The following RABGAP1L variants were observed in gnomAD, a reference collection of about 807,000 sequenced individuals.
The protein encoded by RABGAP1L is RAB GTPase activating protein 1 like.
A neutral mutation model predicts 137.7 loss-of-function variants in RABGAP1L; 63 were observed. The observed-to-expected ratio is 0.46, with a 90% CI of 0.37 to 0.56. RABGAP1L has a LOEUF of 0.56. Ranked by LOEUF, RABGAP1L falls within the 20% of genes least tolerant of loss-of-function variation. RABGAP1L has a pLI of 0.00. For synonymous variants in RABGAP1L, 431 were observed against 433.7 expected, an observed-to-expected ratio of 0.99 and a Z score of 0.08; for missense variants, 1,095 against 1,244.0, an observed-to-expected ratio of 0.88 and a Z score of 1.80.
intron 3 of RABGAP1L, among the ~76,000 whole-genome samples, chr1:174,221,642 T>C (rs944223264): frequency 4.6e-5 from 7 of 152,244 alleles, no homozygotes; most frequent in Non-Finnish European, 1.0e-4. Context: ...TAAGTCAAGA[T>C]GCTTTTGGGT....
chr1:174,462,425 A>T (rs1427336177), intron 13 of RABGAP1L, among the ~76,000 whole-genome samples: 2 of 151,916 alleles, frequency 1.3e-5, no homozygotes, highest in Admixed American at 6.6e-5. Context: ...TCTCCCTTCA[A>T]CTTCATCTTG....
Position 174,604,933 on chromosome 1 carries a change from C to G in RABGAP1L, c.1711-32442C>G, listed in dbSNP as rs1670669345. Among the ~76,000 whole-genome samples the G allele has an allele frequency of 2.0e-5, 3 of 152,106 alleles. No homozygotes were observed. In the South Asian group the frequency reaches 6.2e-4, roughly 32 times the overall value. On this transcript the variant is annotated intron_variant, in intron 13 of 25. Transcript: ENST00000681986. ...CTGAGGCAGGCATATCACTTGAGGT[C>G]AGGATTTCACCAGCCTGGCCAACAT...
chr1:174,933,759 A>G (rs1292088810), intron 19 of RABGAP1L, among the ~76,000 whole-genome samples: 1 of 152,142 alleles, frequency 6.6e-6, no homozygotes, highest in African/African-American at 2.4e-5. Flanking sequence ...TTAGTATTCT[A>G]TCCTGCATCT....
chr1:174,458,529 T>C (rs1016539678), intron 13 of RABGAP1L, among the ~76,000 whole-genome samples: 4 of 152,042 alleles, frequency 2.6e-5, no homozygotes, highest in African/African-American at 7.2e-5. Flanking sequence ...AACCTAGATA[T>C]TGATTCCCCT....
intron 19 of RABGAP1L, among the ~76,000 whole-genome samples, chr1:174,870,021 C>G (rs1040110687): frequency 1.3e-5 from 2 of 152,156 alleles, no homozygotes; most frequent in Admixed American, 6.5e-5. Context: ...AGTCACATAG[C>G]CAGTGAGTGG....
chr1:174,628,527 G>A lies in RABGAP1L; in HGVS notation c.1711-8848G>A, dbSNP rs572814147. ...GTACTTCACATACATTCTAAATAAT[G>A]TTATTTTAAGTAACATTATGCATTT... On this transcript the variant is annotated intron_variant, in intron 13 of 25. Coordinates refer to ENST00000681986, the MANE Select transcript of RABGAP1L (RefSeq NM_001366446.1). Among the ~76,000 whole-genome samples the A allele has an allele frequency of 1.3e-5, 2 of 152,182 alleles. 1 individual carries two copies. Among genetic ancestry groups the A allele is most frequent in the South Asian group, 4.2e-4 (2 of 4,816 alleles).
intron 11 of RABGAP1L, among the ~76,000 whole-genome samples, chr1:174,352,837 A>T (rs544531955): frequency 1.3e-5 from 2 of 152,282 alleles, no homozygotes; most frequent in South Asian, 4.2e-4. Context: ...GGAATTTTAG[A>T]GGTACCTCTT....
chr1:174,351,009 C>T (rs1429164727), intron 11 of RABGAP1L, among the ~76,000 whole-genome samples: 76 of 111,790 alleles, frequency 6.8e-4, no homozygotes, highest in African/African-American at 2.3e-3. Flanking sequence ...AGGGAGGTTG[C>T]AGTGAGCCGA....
At chr1:174,804,606 C>G (rs974549915) in intron 18 of RABGAP1L, among the ~76,000 whole-genome samples, 1 of 152,146 alleles carries the variant, frequency 6.6e-6, no homozygotes, top group Non-Finnish European at 1.5e-5. Flanking sequence ...AACCACCGTG[C>G]CCGGCCTCCC....
At chr1:174,337,862 G>A (rs1388334158) in intron 11 of RABGAP1L, among the ~76,000 whole-genome samples, 1 of 152,030 alleles carries the variant, frequency 6.6e-6, no homozygotes, top group African/African-American at 2.4e-5. Context: ...TATATTTTTA[G>A]CATTATGTTT....
At chr1:174,252,322 T>C (rs41266044) in intron 6 of RABGAP1L, 158 bp from the exon 7 acceptor site, 95,889 of 753,856 alleles carry the variant, frequency 0.13, 6,995 homozygotes, top group African/African-American at 0.23. Flanking sequence ...CAAATAAAAT[T>C]AATAGTTTGC....
At chr1:174,655,222 A>T (rs1424913173) in intron 14 of RABGAP1L, among the ~76,000 whole-genome samples, 1 of 152,184 alleles carries the variant, frequency 6.6e-6, no homozygotes, top group Non-Finnish European at 1.5e-5. Flanking sequence ...TTCAGTTTTT[A>T]CTAATCATCC....
chr1:174,836,220 T>G (rs573944562), intron 19 of RABGAP1L, among the ~76,000 whole-genome samples: 5 of 152,104 alleles, frequency 3.3e-5, no homozygotes, highest in East Asian at 1.9e-4. Context: ...ACCAGGCAAA[T>G]TGAGTAGATT....
chr1:174,723,394 A>AT (rs1214219027), intron 17 of RABGAP1L, among the ~76,000 whole-genome samples: 1 of 152,174 alleles, frequency 6.6e-6, no homozygotes, highest in Non-Finnish European at 1.5e-5. Context: ...GTAAGTCAAA[A>AT]TTTTTTGAAT....
chr1:174,646,629 T>C (rs1674990478), intron 14 of RABGAP1L, among the ~76,000 whole-genome samples: 1 of 152,210 alleles, frequency 6.6e-6, no homozygotes, highest in African/African-American at 2.4e-5. Context: ...TATTATAGTT[T>C]GAAATCAAGT....
At chr1:174,713,174 T>G (rs1262709302) in intron 17 of RABGAP1L, among the ~76,000 whole-genome samples, 1 of 152,190 alleles carries the variant, frequency 6.6e-6, no homozygotes, top group Admixed American at 6.5e-5. Context: ...ACAATGTCAA[T>G]GAGATTAGAA....
At chr1:174,736,927 C>T (rs1415113910) in intron 17 of RABGAP1L, among the ~76,000 whole-genome samples, 1 of 152,166 alleles carries the variant, frequency 6.6e-6, no homozygotes, top group African/African-American at 2.4e-5. Flanking sequence ...CGGGCCTGGC[C>T]CCTGAAGCCA....
intron 1 of RABGAP1L, among the ~76,000 whole-genome samples, chr1:174,176,116 T>C (rs1346386776): frequency 6.6e-6 from 1 of 151,988 alleles, no homozygotes; most frequent in African/African-American, 2.4e-5. Flanking sequence ...GCTGGCCTCA[T>C]ATGTAGCTTG....
intron 19 of RABGAP1L, among the ~76,000 whole-genome samples, chr1:174,927,205 G>C (rs979018764): frequency 6.6e-6 from 1 of 151,994 alleles, no homozygotes; most frequent in Non-Finnish European, 1.5e-5. Flanking sequence ...ATTTATGTTG[G>C]GTTAATAGTT....
Sources: allele counts gnomAD v4.1 joint callset (sites outside exome capture counted in the v4.1 genomes callset), GRCh38; gene constraint gnomAD v4.1.1; transcripts MANE v1.5; gene names NCBI Gene and HGNC (gene_info 2026-07-23, HGNC 2026-07-21).